PKIB: variants seen among roughly 807,000 people sequenced by gnomAD.
PKIB encodes PKI-beta.
Under a neutral mutation model 4.5 loss-of-function variants are expected in PKIB, and 2 were observed. The observed-to-expected ratio is 0.44, with a 90% CI of 0.18 to 1.39. PKIB has a LOEUF of 1.39. Ranked by LOEUF, PKIB falls within the 40% of genes most tolerant of loss-of-function variation. PKIB has a pLI of 0.27. For missense variants in PKIB, 94 were observed against 92.6 expected (o/e 1.02, Z -0.06); for synonymous variants, 38 against 36.0 (o/e 1.06, Z -0.20).
intron 3 of PKIB, among the ~76,000 whole-genome samples, chr6:122,710,146 C>G (rs1468865185): frequency 6.6e-6 from 1 of 152,170 alleles, no homozygotes; most frequent in Non-Finnish European, 1.5e-5. Context: ...ATGTTCCAGT[C>G]TCTCTACTAG....
At chr6:122,527,915 C>T (rs939127633) in intron 2 of PKIB, among the ~76,000 whole-genome samples, 3 of 152,020 alleles carry the variant, frequency 2.0e-5, no homozygotes, top group African/African-American at 7.2e-5. Flanking sequence ...TTATTTAAAT[C>T]CCCTGTTTTC....
In PKIB at chr6:122,725,143, A is replaced by T; in HGVS notation, c.185A>T (p.Asp62Val). 1 of 1,610,336 alleles carries T rather than the reference A, an allele frequency of 6.2e-7. No homozygotes were observed. The change falls in exon 5 of 5, where the codon GAT becomes GTT. Residue 62 changes from aspartate (D) to valine (V), a missense_variant. Coordinates refer to ENST00000368452, the MANE Select transcript of PKIB (RefSeq NM_181795.3). ...LSVKEDAKEK[D>V]EKTTQDQLEK... ...TTTTTTTCAGATGCAAAAGAGAAAG[A>T]TGAAAAAACAACACAAGACCAATTG...
chr6:122,678,407 A>C (rs752436664), intron 3 of PKIB, among the ~76,000 whole-genome samples: 2 of 152,070 alleles, frequency 1.3e-5, no homozygotes, highest in African/African-American at 2.4e-5. Flanking sequence ...CTTGGTCTTT[A>C]TGTTAGCCAG....
In PKIB at chr6:122,525,091, T is replaced by C. The variant is rs192265708; in HGVS notation, c.-248+47152T>C. On this transcript the variant is annotated intron_variant, in intron 2 of 6. Transcript: ENST00000392491. ...TTTTAAATGTATGCATTTACAGATATAATCTTCTCTCTTAGCACTGCTTTC... is the reference window on the plus strand; with the variant it reads ...TTTTAAATGTATGCATTTACAGATACAATCTTCTCTCTTAGCACTGCTTTC... 3.6e-3 allele frequency among the ~76,000 whole-genome samples: 547 copies of C among 152,086 alleles called. 4 individuals carry two copies. The highest frequency in any genetic ancestry group is 0.012 in the African/African-American group (506 of 41,530).
At chr6:122,507,519 G>GT (rs1485220230) in intron 2 of PKIB, among the ~76,000 whole-genome samples, 17 of 150,830 alleles carry the variant, frequency 1.1e-4, no homozygotes, top group Non-Finnish European at 2.1e-4. Context: ...GTCTTTAGGT[G>GT]TTTTTTTTGT....
intron 2 of PKIB, among the ~76,000 whole-genome samples, chr6:122,563,393 A>C (rs1208654806): frequency 2.0e-5 from 3 of 151,664 alleles, no homozygotes; most frequent in African/African-American, 7.3e-5. Flanking sequence ...ACTCCATGAG[A>C]GTTCTTAGCT....
chr6:122,546,404 G>T (rs1465181541), intron 2 of PKIB, among the ~76,000 whole-genome samples: 1 of 151,764 alleles, frequency 6.6e-6, no homozygotes, highest in East Asian at 1.9e-4. Context: ...GGGGCAGGTT[G>T]GGGGGTGGAG....
chr6:122,506,644 T>C (rs1029280346), intron 2 of PKIB, among the ~76,000 whole-genome samples: 2 of 151,962 alleles, frequency 1.3e-5, no homozygotes, highest in Non-Finnish European at 2.9e-5. Context: ...GACCAATTAA[T>C]GACGATTTTA....
intron 3 of PKIB, among the ~76,000 whole-genome samples, chr6:122,596,491 C>A (rs1180407031): frequency 1.3e-5 from 2 of 152,174 alleles, no homozygotes; most frequent in Non-Finnish European, 2.9e-5. Context: ...GTGCATGACC[C>A]ACTTTATGGC....
intron 3 of PKIB, chr6:122,717,487 C>A (rs2115073194): frequency 2.5e-6 from 1 of 397,676 alleles, no homozygotes; most frequent in East Asian, 3.6e-5. Context: ...TTGGCTGATC[C>A]ATCCACAGAA....
At chr6:122,695,813 A>G (rs988551190) in intron 3 of PKIB, among the ~76,000 whole-genome samples, 11 of 152,200 alleles carry the variant, frequency 7.2e-5, no homozygotes, top group African/African-American at 2.2e-4. Flanking sequence ...AAAAGACTCT[A>G]TTTCAGTTGT....
intron 2 of PKIB, among the ~76,000 whole-genome samples, chr6:122,564,231 G>A (rs1773115097): frequency 6.6e-6 from 1 of 152,136 alleles, no homozygotes; most frequent in African/African-American, 2.4e-5. Context: ...TTCCTTTAGA[G>A]GATCTGTGGG....
chr6:122,593,953 T>G (rs112455167), intron 3 of PKIB, among the ~76,000 whole-genome samples: 1 of 152,092 alleles, frequency 6.6e-6, no homozygotes, highest in Non-Finnish European at 1.5e-5. Context: ...AAGTTGACAC[T>G]CAGTATTAAC....
chr6:122,554,664 C>G (rs1329462950), intron 2 of PKIB, among the ~76,000 whole-genome samples: 1 of 152,102 alleles, frequency 6.6e-6, no homozygotes, highest in Non-Finnish European at 1.5e-5. Flanking sequence ...ATCAAGGGCT[C>G]TATTATTCAG....
At position 122,527,311 on chromosome 6, in the gene PKIB, A is replaced by AT. The variant is rs76104021; in HGVS notation, c.-248+49382dup. Among the ~76,000 whole-genome samples the AT allele has an allele frequency of 1.2e-3, 178 of 150,224 alleles. 4 individuals are homozygous for AT. The East Asian group carries it at 0.016, about 14-fold the overall frequency. The stretch of plus-strand genomic sequence containing the variant: ...GTAGCACTTTTCGTTTTTTATAAGA[A>AT]TTTTTTTTTTGTTTTTGCATTCACA... On this transcript the variant is annotated intron_variant, in intron 2 of 6. Coordinates refer to the PKIB transcript ENST00000392491.
chr6:122,629,423 T>A (rs1188875482), intron 1 of PKIB, among the ~76,000 whole-genome samples: 4 of 138,404 alleles, frequency 2.9e-5, no homozygotes, highest in African/African-American at 1.0e-4. Context: ...TATGAATAAA[T>A]AATTGAATAC....
chr6:122,484,242 T>G (rs1200834253), intron 2 of PKIB: 1 of 152,174 alleles, frequency 6.6e-6, no homozygotes, highest in Non-Finnish European at 1.5e-5. Flanking sequence ...AATACTATTC[T>G]AAGGTCAAAA....
chr6:122,559,296 T>C (rs1772948372), intron 2 of PKIB, among the ~76,000 whole-genome samples: 1 of 151,302 alleles, frequency 6.6e-6, no homozygotes, highest in South Asian at 2.1e-4. Context: ...ATATAATATA[T>C]ATATATGCCA....
At chr6:122,513,154 C>T (rs1032482307) in intron 2 of PKIB, among the ~76,000 whole-genome samples, 5 of 152,188 alleles carry the variant, frequency 3.3e-5, no homozygotes, top group Admixed American at 1.3e-4. Flanking sequence ...CTTCCCTTCC[C>T]TGTAAGACCA....
Sources: gnomAD v4.1 joint callset for allele counts (sites outside exome capture counted in the v4.1 genomes callset) on GRCh38, gnomAD v4.1.1 for gene constraint, MANE v1.5 for transcripts, NCBI Gene and HGNC (gene_info 2026-07-23, HGNC 2026-07-21) for gene names.